Variants in PTPRD observed in about 807,000 individuals in gnomAD.
PTPRD encodes protein tyrosine phosphatase receptor type D.
A neutral mutation model predicts 214.5 loss-of-function variants in PTPRD; 34 were observed. The observed-to-expected ratio is 0.16, with a 90% confidence interval of 0.12 to 0.21. The LOEUF (loss-of-function observed/expected upper bound fraction) is 0.21, where lower values mean the gene tolerates loss of function less well. Among genes scored for constraint, PTPRD ranks in the 10% least tolerant of loss-of-function variants. PTPRD has a pLI of 1.00. For synonymous variants in PTPRD, 1,128 were observed against 845.7 expected, an observed-to-expected ratio of 1.33 and a Z score of -5.79; for missense variants, 2,545 against 2,398.7, an observed-to-expected ratio of 1.06 and a Z score of -1.27.
Position 8,693,069 on chromosome 9 carries a change from C to G in PTPRD, c.64+40711G>C, listed in dbSNP as rs145622919. The stretch of plus-strand genomic sequence containing the variant: ...ACAGTCAAAATTGTAAATGGTAACT[C>G]TATGATTGTTAGGCCTATGTGGTAT... On this transcript the variant is annotated intron_variant, in intron 12 of 45. Coordinates refer to ENST00000381196, the MANE Select transcript of PTPRD (RefSeq NM_002839.4). 7.6e-3 allele frequency among the ~76,000 whole-genome samples: 1,156 copies of G among 152,260 alleles called. 8 individuals carry two copies. The highest frequency in any genetic ancestry group is 0.027 in the Middle Eastern group (8 of 294).
At chr9:9,769,395 C>T (rs904396075) in intron 5 of PTPRD, among the ~76,000 whole-genome samples, 8 of 135,978 alleles carry the variant, frequency 5.9e-5, no homozygotes, top group Admixed American at 2.4e-4. Context: ...GTGCAATCTC[C>T]GCTCACTGCA....
intron 7 of PTPRD, among the ~76,000 whole-genome samples, chr9:9,728,966 A>G (rs10125050): frequency 0.59 from 89,000 of 151,834 alleles, 28,621 homozygotes; most frequent in African/African-American, 0.84. Flanking sequence ...TGCCTGCTTT[A>G]CCACACAAGT....
At chr9:9,289,834 A>G (rs1293646612) in intron 9 of PTPRD, among the ~76,000 whole-genome samples, 1 of 151,740 alleles carries the variant, frequency 6.6e-6, no homozygotes, top group Non-Finnish European at 1.5e-5. Flanking sequence ...GTGTACATAA[A>G]CCATATTTTC....
chr9:10,507,470 A>T (rs2046398092), intron 2 of PTPRD, among the ~76,000 whole-genome samples: 1 of 152,166 alleles, frequency 6.6e-6, no homozygotes, highest in African/African-American at 2.4e-5. Flanking sequence ...TATGGAACCA[A>T]AAAATAGCCC....
rs757594785 is a variant in PTPRD, at chr9:8,525,054, T to A, written c.569-19A>T. On this transcript the variant is annotated intron_variant, in intron 17 of 45. Transcript: ENST00000381196. ...AGGGCTCCTGTATGGATATAAAATATATTGCCAAAGAGATGATCAGAGAAG... is the reference window on the plus strand; with the variant it reads ...AGGGCTCCTGTATGGATATAAAATAAATTGCCAAAGAGATGATCAGAGAAG... 1.9e-5 allele frequency: 30 copies of A among 1,591,206 alleles called. No homozygotes were observed. In the African/African-American group the frequency reaches 3.9e-4, roughly 21 times the overall value.
intron 3 of PTPRD, among the ~76,000 whole-genome samples, chr9:10,251,662 C>G (rs907536259): frequency 1.3e-5 from 2 of 152,212 alleles, no homozygotes; most frequent in Non-Finnish European, 2.9e-5. Context: ...AATATTACTA[C>G]AAGTTCACTC....
chr9:9,997,405 C>T (rs2096162373), intron 4 of PTPRD, among the ~76,000 whole-genome samples: 1 of 151,808 alleles, frequency 6.6e-6, no homozygotes, highest in African/African-American at 2.4e-5. Flanking sequence ...CCTGCCTCAA[C>T]CTCCCGAGTA....
Position 8,948,769 on chromosome 9 carries a change from G to A in PTPRD, c.-104+69928C>T, listed in dbSNP as rs576406751. ...AGATTAGATGCTTCCTACTTATGGA[G>A]TGAGTGACTCAAGAAACACAAAAGG... On this transcript the variant is annotated intron_variant, in intron 11 of 45. Coordinates refer to ENST00000381196, the MANE Select transcript of PTPRD (RefSeq NM_002839.4). 3.1e-4 allele frequency among the ~76,000 whole-genome samples: 47 copies of A among 150,212 alleles called. 1 individual carries two copies. The highest frequency in any genetic ancestry group is 1.1e-3 in the African/African-American group (45 of 40,850).
At chr9:10,416,010 G>T (rs868285539) in intron 2 of PTPRD, among the ~76,000 whole-genome samples, 9 of 151,676 alleles carry the variant, frequency 5.9e-5, no homozygotes, top group African/African-American at 2.2e-4. Context: ...AATTTTGAGA[G>T]ACAACAGAGA....
intron 6 of PTPRD, among the ~76,000 whole-genome samples, chr9:9,761,222 A>G (rs2098653077): frequency 6.6e-6 from 1 of 152,234 alleles, no homozygotes; most frequent in African/African-American, 2.4e-5. Flanking sequence ...AAAATGAACA[A>G]ACTATTGATA....
At chr9:8,337,223 A>T (rs958715133) in intron 43 of PTPRD, among the ~76,000 whole-genome samples, 2 of 152,224 alleles carry the variant, frequency 1.3e-5, no homozygotes, top group African/African-American at 4.8e-5. Flanking sequence ...GATAGATTGG[A>T]TAAAGAAAAT....
At chr9:10,196,151 G>C (rs893408596) in intron 3 of PTPRD, among the ~76,000 whole-genome samples, 2 of 152,024 alleles carry the variant, frequency 1.3e-5, no homozygotes, top group Non-Finnish European at 2.9e-5. Context: ...TTAATGCATG[G>C]ACTTTATTGT....
intron 4 of PTPRD, among the ~76,000 whole-genome samples, chr9:9,962,279 A>G (rs1397192476): frequency 6.6e-6 from 1 of 151,734 alleles, no homozygotes; most frequent in African/African-American, 2.4e-5. Flanking sequence ...ATTTTAAGAC[A>G]ACCAAATTGA....
At chr9:10,133,813 T>G (rs1294755764) in intron 3 of PTPRD, among the ~76,000 whole-genome samples, 1 of 152,162 alleles carries the variant, frequency 6.6e-6, no homozygotes, top group Non-Finnish European at 1.5e-5. Flanking sequence ...AAATACATGA[T>G]CTGGAAAGAT....
At chr9:9,380,191 T>C (rs1443626151) in intron 9 of PTPRD, among the ~76,000 whole-genome samples, 1 of 152,066 alleles carries the variant, frequency 6.6e-6, no homozygotes, top group Non-Finnish European at 1.5e-5. Flanking sequence ...TCCCTAGTTT[T>C]ACTGAGAGTT....
At chr9:8,375,367 A>C (rs897212806) in intron 39 of PTPRD, among the ~76,000 whole-genome samples, 1 of 152,060 alleles carries the variant, frequency 6.6e-6, no homozygotes, top group Non-Finnish European at 1.5e-5. Context: ...TGAGTACATA[A>C]AACGACTTCT....
In PTPRD at chr9:8,681,933, AACC is replaced by A. The variant is rs1278602219; in HGVS notation, c.65-45092_65-45090del. 1.6e-4 allele frequency among the ~76,000 whole-genome samples: 25 copies of A among 152,294 alleles called. 2 individuals are homozygous for A. In the East Asian group the frequency reaches 2.9e-3, roughly 18 times the overall value. On this transcript the variant is annotated intron_variant, in intron 12 of 45. Coordinates refer to ENST00000381196, the MANE Select transcript of PTPRD (RefSeq NM_002839.4). ...ACTTCAGCTCTAAAAGGTGCTGAAC[AACC>A]GACTACGGTAGGAGAAGACAATGGA...
intron 14 of PTPRD, among the ~76,000 whole-genome samples, chr9:8,548,747 T>G (rs571967204): frequency 3.1e-5 from 4 of 127,742 alleles, no homozygotes; most frequent in Non-Finnish European, 6.3e-5. Flanking sequence ...CAGGCTAGAG[T>G]GCAATGGTGC....
At chr9:9,083,795 T>C (rs890087004) in intron 10 of PTPRD, among the ~76,000 whole-genome samples, 1 of 151,886 alleles carries the variant, frequency 6.6e-6, no homozygotes, top group African/African-American at 2.4e-5. Context: ...AAAAAACATA[T>C]GAAAAAAAGC....
Sources: gnomAD v4.1 joint callset for allele counts (sites outside exome capture counted in the v4.1 genomes callset) on GRCh38, gnomAD v4.1.1 for gene constraint, MANE v1.5 for transcripts, NCBI Gene and HGNC (gene_info 2026-07-23, HGNC 2026-07-21) for gene names.